Variants in C1orf115 observed in about 807,000 individuals in gnomAD.
The protein encoded by C1orf115 is chromosome 1 open reading frame 115.
A neutral mutation model predicts 12.5 loss-of-function variants in C1orf115; 14 were observed. The ratio of observed to expected loss-of-function variants is 1.12; its 90% CI spans 0.74 to 1.75. The LOEUF is 1.75. Ranked by LOEUF, C1orf115 falls within the 40% of genes most tolerant of loss-of-function variation. The probability of loss-of-function intolerance (pLI) is 0.00; values close to 1 mark genes in which losing one functional copy is unlikely to be tolerated. For missense variants in C1orf115, 237 were observed against 220.8 expected (o/e 1.07, Z -0.46); for synonymous variants, 109 against 104.6 (o/e 1.04, Z -0.26).
At chr1:220,691,140 A>G (rs1670100314) in intron 1 of C1orf115, among the ~76,000 whole-genome samples, 1 of 152,112 alleles carries the variant, frequency 6.6e-6, no homozygotes, top group Non-Finnish European at 1.5e-5. Context: ...AGGATATCCC[A>G]CTAGTTGAGA....
rs770594397 is a variant in C1orf115, at chr1:220,699,028, A to G, written c.*2297A>G. On this transcript the variant is annotated 3_prime_UTR_variant, in exon 2 of 2. Coordinates refer to ENST00000294889, the MANE Select transcript of C1orf115 (RefSeq NM_024709.5). ...TTCTTTCTTTTTTTTTCTTTTTTTC[A>G]ATATCAGTGCCCACACCTTACTGAG... is the stretch of plus-strand genomic sequence containing the variant. 10 of 151,530 alleles carry G rather than the reference A, an allele frequency of 6.6e-5. No homozygotes were observed. The highest frequency in any genetic ancestry group is 1.0e-4 in the Non-Finnish European group (7 of 67,912). The allele number at this position is 151,530 out of a possible 1,614,324, so 9.4% of individuals were successfully genotyped here.
intron 1 of C1orf115, among the ~76,000 whole-genome samples, chr1:220,695,494 G>GT (rs10602094): frequency 0.23 from 27,238 of 116,340 alleles, 4,555 homozygotes; most frequent in East Asian, 0.75. Context: ...CGATGTCTGG[G>GT]TTTTTTTTTT....
chr1:220,692,266 T>C (rs1670123479), intron 1 of C1orf115, among the ~76,000 whole-genome samples: 2 of 152,224 alleles, frequency 1.3e-5, no homozygotes, highest in South Asian at 4.1e-4. Context: ...AGACTTATTC[T>C]GTGATCTAGC....
At chr1:220,690,844 A>G (rs1670092060) in intron 1 of C1orf115, 133 bp downstream of exon 1, 1 of 1,114,534 alleles carries the variant, frequency 9.0e-7, no homozygotes, top group East Asian at 3.1e-5. Flanking sequence ...CCCCGCTCCC[A>G]TTCCCTCGCC....
intron 1 of C1orf115, among the ~76,000 whole-genome samples, chr1:220,691,710 G>A (rs1457183020): frequency 6.6e-6 from 1 of 152,226 alleles, no homozygotes; most frequent in African/African-American, 2.4e-5. Context: ...TTGGGTCCCA[G>A]TTGAGCACAA....
chr1:220,692,774 C>T lies in C1orf115; in HGVS notation c.309+2063C>T, dbSNP rs577267549. 5.3e-5 allele frequency among the ~76,000 whole-genome samples: 8 copies of T among 152,236 alleles called. No individual in the cohort carries two copies. The South Asian group carries it at 1.0e-3, about 20-fold the overall frequency. ...ATGTACTAAATGCCACCGGGCTGTA[C>T]GCACTTTAAAATGGTGAATTTTATG... On this transcript the variant is annotated intron_variant, in intron 1 of 1. Coordinates refer to ENST00000294889, the MANE Select transcript of C1orf115 (RefSeq NM_024709.5).
intron 1 of C1orf115, among the ~76,000 whole-genome samples, chr1:220,694,002 C>T (rs925583255): frequency 6.8e-6 from 1 of 147,410 alleles, no homozygotes; most frequent in Middle Eastern, 3.5e-3. Flanking sequence ...ATCGCTTGAA[C>T]CTGGGAGGTG....
chr1:220,694,438 A>G (rs896762342), intron 1 of C1orf115, among the ~76,000 whole-genome samples: 1 of 152,252 alleles, frequency 6.6e-6, no homozygotes, highest in Admixed American at 6.5e-5. Context: ...ATTCAAGCCC[A>G]GGGCATGAGT....
At position 220,696,711 on chromosome 1, in the gene C1orf115, G is replaced by T; in HGVS notation, c.409G>T (p.Val137Leu). The T allele has an allele frequency of 6.3e-7, 1 of 1,595,972 alleles. No homozygotes were observed. The highest frequency in any genetic ancestry group is 8.6e-7 in the Non-Finnish European group (1 of 1,164,866). ...CGCCCCGTTTGCGGTAGCCACCAGC[G>T]TGGTATCCTTCGTGCGCTAATGGGA... Reference protein sequence around the residue: ...YSAPFAVATSVVSFVR With the variant: ...YSAPFAVATSLVSFVR The change falls in exon 2 of 2, where the codon GTG (valine) becomes TTG (leucine). Residue 137 changes from valine (V) to leucine (L), a missense_variant. Transcript: ENST00000294889.
rs1221306563 is a variant in C1orf115 at position 220,696,837 on chromosome 1, G to A, written c.*106G>A. On this transcript the variant is annotated 3_prime_UTR_variant, in exon 2 of 2. Coordinates refer to ENST00000294889, the MANE Select transcript of C1orf115 (RefSeq NM_024709.5). ...ACTTGAACACACAGCATATTTGGAA[G>A]AGAAAACATGCCTTTCTTTGTTGAA... The A allele has an allele frequency of 2.2e-6, 3 of 1,360,664 alleles. No individual in the cohort carries two copies. Among genetic ancestry groups the A allele is most frequent in the Non-Finnish European group, 3.0e-6 (3 of 1,014,450 alleles). The allele number at this position is 1,360,664 out of a possible 1,614,324, so 84.3% of individuals were successfully genotyped here.
intron 1 of C1orf115, among the ~76,000 whole-genome samples, chr1:220,692,095 C>G (rs909363184): frequency 2.6e-5 from 4 of 152,196 alleles, no homozygotes; most frequent in Non-Finnish European, 5.9e-5. Flanking sequence ...CACACTTCAT[C>G]CCCACTAGAA....
At chr1:220,692,561 G>A (rs779217342) in intron 1 of C1orf115, among the ~76,000 whole-genome samples, 24 of 152,134 alleles carry the variant, frequency 1.6e-4, no homozygotes, top group Admixed American at 1.3e-4. Flanking sequence ...CATATTGTGC[G>A]TATGATTCCA....
chr1:220,698,996 T>G lies in C1orf115; in HGVS notation c.*2265T>G, dbSNP rs188395816. 9 of 152,316 alleles carry G rather than the reference T, an allele frequency of 5.9e-5. No homozygotes were observed. The highest frequency in any genetic ancestry group is 2.2e-4 in the African/African-American group (9 of 41,564). 9.4% of individuals were successfully genotyped at this position (152,316 alleles called of 1,614,324 possible). On this transcript the variant is annotated 3_prime_UTR_variant, in exon 2 of 2. Coordinates refer to ENST00000294889, the MANE Select transcript of C1orf115 (RefSeq NM_024709.5). ...TTGGATTGTGTCACAGATTACCTTT[T>G]TACCTTTTCTTTCTTTTTTTTTCTT...
intron 1 of C1orf115, among the ~76,000 whole-genome samples, chr1:220,693,587 A>G (rs987527277): frequency 1.3e-5 from 2 of 152,208 alleles, no homozygotes; most frequent in South Asian, 4.1e-4. Context: ...TCTCTTTGAG[A>G]CATCAACAGG....
chr1:220,690,597 C>A lies in C1orf115; in HGVS notation c.195C>A (p.Gly65=). The part of the protein sequence containing the change: ...AADERGPGTR[G]ARRVHFALLP... Reference sequence around the variant, plus strand: ...ACGAGCGGGGCCCGGGGACCCGGGGCGCGCGGAGGGTGCACTTCGCCCTCC... The same window carrying A: ...ACGAGCGGGGCCCGGGGACCCGGGGAGCGCGGAGGGTGCACTTCGCCCTCC... Residue 65 remains glycine, a synonymous_variant, in exon 1 of 2, where the codon GGC becomes GGA. Transcript: ENST00000294889. The A allele has an allele frequency of 6.6e-7, 1 of 1,517,366 alleles. No homozygotes were observed. The highest frequency in any genetic ancestry group is 8.8e-7 in the Non-Finnish European group (1 of 1,135,292). The allele number at this position is 1,517,366 out of a possible 1,614,324, so 94.0% of individuals were successfully genotyped here. A position where few individuals can be genotyped will look rare whatever the true frequency, so the allele number is the denominator to read the frequency against.
intron 1 of C1orf115, among the ~76,000 whole-genome samples, chr1:220,692,020 G>A (rs933646720): frequency 2.0e-5 from 3 of 152,204 alleles, no homozygotes; most frequent in Non-Finnish European, 4.4e-5. Context: ...ACGGTGACAT[G>A]AAAACTGGGC....
At chr1:220,695,298 G>A (rs1184957405) in intron 1 of C1orf115, among the ~76,000 whole-genome samples, 1 of 152,006 alleles carries the variant, frequency 6.6e-6, no homozygotes, top group African/African-American at 2.4e-5. Context: ...GAGAGGAAGC[G>A]AATGATGGAG....
In C1orf115 at chr1:220,690,448, CT is replaced by C; in HGVS notation, c.47del (p.Leu16ArgfsTer83). The C allele has an allele frequency of 6.9e-7, 1 of 1,448,890 alleles. No individual in the cohort carries two copies. Among genetic ancestry groups the C allele is most frequent in the Non-Finnish European group, 9.0e-7 (1 of 1,108,392 alleles). The allele number at this position is 1,448,890 out of a possible 1,614,324, so 89.8% of individuals were successfully genotyped here. ...RLRSKAESSL[L>X]RRGPRGRGRT... Reference sequence around the variant, plus strand: ...CCGAAGCAAGGCGGAGAGCAGCCTCCTGCGCCGCGGGCCCCGAGGGCGAGGG... The same window carrying C: ...CCGAAGCAAGGCGGAGAGCAGCCTCCGCGCCGCGGGCCCCGAGGGCGAGGG... On this transcript the variant is annotated frameshift_variant, in exon 1 of 2. Coordinates refer to ENST00000294889, the MANE Select transcript of C1orf115 (RefSeq NM_024709.5). LOFTEE classifies it high-confidence loss of function.
intron 1 of C1orf115, among the ~76,000 whole-genome samples, chr1:220,696,068 A>T (rs1052267456): frequency 2.0e-5 from 3 of 152,194 alleles, no homozygotes; most frequent in Non-Finnish European, 4.4e-5. Context: ...TTATAATGGT[A>T]TTGGAAATGC....
Sources: gnomAD v4.1 joint callset for allele counts (sites outside exome capture counted in the v4.1 genomes callset) on GRCh38, gnomAD v4.1.1 for gene constraint, MANE v1.5 for transcripts, NCBI Gene and HGNC (gene_info 2026-07-23, HGNC 2026-07-21) for gene names.